FAM184B: variants seen among roughly 807,000 people sequenced by gnomAD.
FAM184B encodes protein FAM184B.
Under a neutral mutation model 135.9 loss-of-function variants are expected in FAM184B, and 111 were observed. The observed-to-expected ratio is 0.82, with a 90% confidence interval of 0.70 to 0.96. FAM184B has a LOEUF of 0.96. Among genes scored for constraint, FAM184B ranks in the 40% least tolerant of loss-of-function variants. FAM184B has a pLI of 0.00. For synonymous variants in FAM184B, 552 were observed against 524.8 expected (o/e 1.05, Z -0.71); for missense variants, 1,375 against 1,323.9 (o/e 1.04, Z -0.60).
In FAM184B at chr4:17,635,129, A is replaced by G. The variant is rs767946017; in HGVS notation, c.2785-16T>C. ...TTCTCTCTTCCTAGAAAACCAATAC[A>G]ACTGAGTCTAAATGAGCCTAACCAC... On this transcript the variant is annotated splice_polypyrimidine_tract_variant and intron_variant, in intron 15 of 17. Coordinates refer to ENST00000265018, the MANE Select transcript of FAM184B (RefSeq NM_015688.2). 6.5e-7 allele frequency: 1 copy of G among 1,540,338 alleles called. No individual in the cohort carries two copies. The highest frequency in any genetic ancestry group is 8.8e-7 in the Non-Finnish European group (1 of 1,136,794).
At chr4:17,636,673 C>A (rs1577240031) in intron 14 of FAM184B, 28 bp from the exon 15 acceptor site, 2 of 1,501,598 alleles carry the variant, frequency 1.3e-6, no homozygotes, top group Non-Finnish European at 9.0e-7. Context: ...GCAGTCAAGT[C>A]CCCCTTACAG....
Position 17,709,282 on chromosome 4 carries a change from G to A in FAM184B, c.504C>T (p.His168=). The change falls in exon 2 of 18, where the codon CAC becomes CAT. Residue 168 remains histidine, a synonymous_variant. Coordinates refer to ENST00000265018, the MANE Select transcript of FAM184B (RefSeq NM_015688.2). ...GCAGCCGGCCCTGCGGGGTAGCCTC[G>A]TGGCTCGTCAGGTGCTGGAGCCTCC... ...YERRLQHLTS[H]EATPQGRLPQ... 2 of 1,548,432 alleles carry A rather than the reference G, an allele frequency of 1.3e-6. No homozygotes were observed. The highest frequency in any genetic ancestry group is 2.4e-5 in the East Asian group (1 of 40,846).
chr4:17,664,458 A>G (rs1715996657), intron 8 of FAM184B, 104 bp downstream of exon 8: 1 of 871,380 alleles, frequency 1.1e-6, no homozygotes, highest in Non-Finnish European at 1.8e-6. Flanking sequence ...TGCTGCAAGG[A>G]GCAGTGATAA....
At chr4:17,755,923 G>A in intron 1 of FAM184B, among the ~76,000 whole-genome samples, 1 of 152,162 alleles carries the variant, frequency 6.6e-6, no homozygotes, top group East Asian at 1.9e-4. Flanking sequence ...GTGGAGAAGA[G>A]GGAGAACATC....
intron 1 of FAM184B, among the ~76,000 whole-genome samples, chr4:17,769,817 G>T (rs1188519646): frequency 6.6e-6 from 1 of 152,184 alleles, no homozygotes; most frequent in Non-Finnish European, 1.5e-5. Flanking sequence ...CCACTTGCCA[G>T]GCACTGTTCT....
intron 1 of FAM184B, among the ~76,000 whole-genome samples, chr4:17,724,349 C>G (rs550078443): frequency 2.6e-4 from 40 of 152,040 alleles, no homozygotes; most frequent in Admixed American, 2.1e-3. Context: ...AAAGGTATAC[C>G]ATCAAAATAC....
chr4:17,635,868 G>C (rs552629488), intron 15 of FAM184B, among the ~76,000 whole-genome samples: 1 of 152,278 alleles, frequency 6.6e-6, no homozygotes, highest in South Asian at 2.1e-4. Flanking sequence ...GGCTTAGGGA[G>C]TGGCTTTGCT....
intron 1 of FAM184B, among the ~76,000 whole-genome samples, 155 bp from the exon 2 acceptor site, chr4:17,709,799 C>A (rs987452759): frequency 3.9e-5 from 6 of 152,110 alleles, no homozygotes; most frequent in Non-Finnish European, 8.8e-5. Context: ...GAAACTGTTC[C>A]CAGAAGAAGC....
chr4:17,749,962 C>T (rs1467927420), intron 1 of FAM184B, among the ~76,000 whole-genome samples: 1 of 152,040 alleles, frequency 6.6e-6, no homozygotes, highest in Non-Finnish European at 1.5e-5. Flanking sequence ...TATAAAATTC[C>T]ATCATGTACC....
chr4:17,758,652 C>A (rs1487265336), intron 1 of FAM184B, among the ~76,000 whole-genome samples: 1 of 152,092 alleles, frequency 6.6e-6, no homozygotes, highest in Non-Finnish European at 1.5e-5. Context: ...GGTGCTCCTA[C>A]GGTGAAGAAA....
Position 17,709,526 on chromosome 4 carries a change from TGCAGGA to T in FAM184B, c.254_259del (p.Leu85_Leu86del). 6.4e-7 allele frequency: 1 copy of T among 1,551,088 alleles called. No individual in the cohort carries two copies. Among genetic ancestry groups the T allele is most frequent in the Non-Finnish European group, 8.7e-7 (1 of 1,146,972 alleles). On this transcript the variant is annotated inframe_deletion, in exon 2 of 18. Transcript: ENST00000265018. ...TTCCTCCTCTGCGCAGCCCTGTTCC[TGCAGGA>T]GCCTGGCCTTGGTCTCTGCCACCGC...
In FAM184B at chr4:17,678,045, C is replaced by A. The variant is rs150823842; in HGVS notation, c.1596+10379G>T. Among the ~76,000 whole-genome samples, 4 of 152,302 alleles carry A rather than the reference C, an allele frequency of 2.6e-5. No individual in the cohort carries two copies. In the East Asian group the frequency reaches 7.7e-4, roughly 29 times the overall value. On this transcript the variant is annotated intron_variant, in intron 7 of 17. Coordinates refer to ENST00000265018, the MANE Select transcript of FAM184B (RefSeq NM_015688.2). ...TTAATGTAATAAAAGCCATCTATGG[C>A]AAACTTGCAGCCCACATTCTACTGA...
At chr4:17,749,437 G>A (rs1718245515) in intron 1 of FAM184B, among the ~76,000 whole-genome samples, 1 of 151,360 alleles carries the variant, frequency 6.6e-6, no homozygotes, top group Non-Finnish European at 1.5e-5. Context: ...AGATGCTTCA[G>A]GAAAGGATTC....
At chr4:17,778,008 T>C (rs866506314) in intron 1 of FAM184B, among the ~76,000 whole-genome samples, 1 of 150,078 alleles carries the variant, frequency 6.7e-6, no homozygotes, top group African/African-American at 2.5e-5. Flanking sequence ...GAGGTCAAGG[T>C]TGTAGTGAGC....
chr4:17,765,054 C>A (rs1001396853), intron 1 of FAM184B, among the ~76,000 whole-genome samples: 3 of 152,022 alleles, frequency 2.0e-5, no homozygotes, highest in Non-Finnish European at 4.4e-5. Context: ...AGAGCAAGAC[C>A]CTGTCTCAAA....
intron 1 of FAM184B, among the ~76,000 whole-genome samples, chr4:17,721,600 G>C (rs546401753): frequency 6.6e-6 from 1 of 152,084 alleles, no homozygotes; most frequent in Non-Finnish European, 1.5e-5. Flanking sequence ...GGGCAGAGCC[G>C]AGGTGAAGGG....
At chr4:17,684,657 C>T (rs1411264849) in intron 7 of FAM184B, among the ~76,000 whole-genome samples, 1 of 152,198 alleles carries the variant, frequency 6.6e-6, no homozygotes, top group African/African-American at 2.4e-5. Context: ...GAATAACGTG[C>T]ATATTGAGTT....
At chr4:17,754,317 C>A (rs757567544) in intron 1 of FAM184B, among the ~76,000 whole-genome samples, 1 of 151,944 alleles carries the variant, frequency 6.6e-6, no homozygotes, top group Admixed American at 6.6e-5. Flanking sequence ...TTTGGGAGGC[C>A]GAGGCAGGTA....
At chr4:17,634,264 A>T (rs3846357) in intron 16 of FAM184B, among the ~76,000 whole-genome samples, 79,960 of 152,100 alleles carry the variant, frequency 0.53, 23,671 homozygotes, top group East Asian at 0.88. Context: ...GATACATAAA[A>T]ACTACACGAG....
Sources: allele counts gnomAD v4.1 joint callset (sites outside exome capture counted in the v4.1 genomes callset), GRCh38; gene constraint gnomAD v4.1.1; transcripts MANE v1.5; gene names NCBI Gene and HGNC (gene_info 2026-07-23, HGNC 2026-07-21).